MGAT4C: variants seen among roughly 807,000 people sequenced by gnomAD.
MGAT4C encodes the protein alpha-1,3-mannosyl-glycoprotein 4-beta-N-acetylglucosaminyltransferase C.
Under a neutral mutation model 40.1 loss-of-function variants are expected in MGAT4C, and 19 were observed. That is an observed-to-expected ratio of 0.47 (90% CI 0.33 to 0.70). MGAT4C has a LOEUF of 0.70. MGAT4C is among the 30% of genes least tolerant of loss of function. The pLI is 0.02. For synonymous variants in MGAT4C, 181 were observed against 187.1 expected (o/e 0.97, Z 0.27); for missense variants, 491 against 563.2 (o/e 0.87, Z 1.30).
chr12:86,283,594 T>G (rs1953273930), intron 4 of MGAT4C, among the ~76,000 whole-genome samples: 1 of 152,088 alleles, frequency 6.6e-6, no homozygotes, highest in African/African-American at 2.4e-5. Context: ...AATCAAAATA[T>G]AATAACTTAG....
chr12:86,266,856 G>T (rs1041030449), intron 4 of MGAT4C, among the ~76,000 whole-genome samples: 13 of 151,670 alleles, frequency 8.6e-5, no homozygotes, highest in African/African-American at 3.1e-4. Flanking sequence ...TTTTTTCTTG[G>T]TTCAATCTTA....
chr12:86,794,750 T>C (rs1439133100), intron 1 of MGAT4C, among the ~76,000 whole-genome samples: 1 of 151,880 alleles, frequency 6.6e-6, no homozygotes, highest in African/African-American at 2.4e-5. Context: ...TAAAGCAAAA[T>C]TAATTAACTG....
At chr12:86,095,441 C>T (rs997720718) in intron 1 of MGAT4C, among the ~76,000 whole-genome samples, 1 of 151,802 alleles carries the variant, frequency 6.6e-6, no homozygotes, top group Non-Finnish European at 1.5e-5. Flanking sequence ...CAATTATGGA[C>T]AATATTTACC....
intron 4 of MGAT4C, among the ~76,000 whole-genome samples, chr12:86,264,484 G>C (rs1003773229): frequency 1.3e-5 from 2 of 152,116 alleles, no homozygotes; most frequent in Non-Finnish European, 2.9e-5. Flanking sequence ...GGCGGGGAGG[G>C]GGCTGCGCAC....
At chr12:86,157,441 G>A (rs1328539191) in intron 1 of MGAT4C, among the ~76,000 whole-genome samples, 1 of 152,018 alleles carries the variant, frequency 6.6e-6, no homozygotes, top group Non-Finnish European at 1.5e-5. Flanking sequence ...CAAATTAAAT[G>A]TGTCATTATT....
intron 3 of MGAT4C, among the ~76,000 whole-genome samples, chr12:86,396,339 T>A (rs1956262068): frequency 6.6e-6 from 1 of 152,086 alleles, no homozygotes; most frequent in African/African-American, 2.4e-5. Flanking sequence ...CCTTAAAAAA[T>A]ATATATTTGT....
At chr12:86,592,455 A>G (rs555942101) in intron 2 of MGAT4C, among the ~76,000 whole-genome samples, 1 of 152,298 alleles carries the variant, frequency 6.6e-6, no homozygotes, top group South Asian at 2.1e-4. Context: ...ATAATTGGTA[A>G]AAACGTTAAG....
chr12:86,479,465 G>C (rs1295704185), intron 2 of MGAT4C, among the ~76,000 whole-genome samples: 1 of 151,810 alleles, frequency 6.6e-6, no homozygotes, highest in East Asian at 1.9e-4. Flanking sequence ...ACTGTGTATT[G>C]CTATTTAGAA....
rs936711743 is a variant in MGAT4C, at chr12:86,397,051, C to A, written c.-120+38106G>T. Reference sequence around the variant, plus strand: ...CATTCAGACACAGTAAATATGAATTCTCAAAGATGGAGGCCTGCATTTTAT... The same window carrying A: ...CATTCAGACACAGTAAATATGAATTATCAAAGATGGAGGCCTGCATTTTAT... On this transcript the variant is annotated intron_variant, in intron 3 of 7. Coordinates refer to the MGAT4C transcript ENST00000548651. 8.0e-5 allele frequency among the ~76,000 whole-genome samples: 9 copies of A among 112,758 alleles called. No homozygotes were observed. In the South Asian group the frequency reaches 1.9e-3, roughly 23 times the overall value. 74.0% of individuals were successfully genotyped at this position (112,758 alleles called of 152,430 possible).
intron 1 of MGAT4C, among the ~76,000 whole-genome samples, chr12:86,741,663 A>G (rs1951071497): frequency 6.6e-6 from 1 of 151,348 alleles, no homozygotes; most frequent in African/African-American, 2.4e-5. Flanking sequence ...CTACTCATAG[A>G]AAGCACCCCC....
intron 2 of MGAT4C, among the ~76,000 whole-genome samples, chr12:86,440,258 C>G (rs923828669): frequency 6.6e-6 from 1 of 152,060 alleles, no homozygotes; most frequent in Non-Finnish European, 1.5e-5. Flanking sequence ...AATTCGACAG[C>G]ACTTCAAAAT....
intron 3 of MGAT4C, among the ~76,000 whole-genome samples, chr12:86,365,886 C>A (rs1166569185): frequency 6.6e-6 from 1 of 152,000 alleles, no homozygotes; most frequent in East Asian, 1.9e-4. Flanking sequence ...GTTTTAGTTC[C>A]AAATAAATTT....
intron 1 of MGAT4C, among the ~76,000 whole-genome samples, chr12:86,210,835 A>G (rs996082520): frequency 6.6e-6 from 1 of 152,266 alleles, no homozygotes; most frequent in African/African-American, 2.4e-5. Flanking sequence ...ATAGTGTTAA[A>G]CCTGGCTCAT....
At chr12:86,542,116 A>G (rs1253207720) in intron 2 of MGAT4C, among the ~76,000 whole-genome samples, 14 of 152,208 alleles carry the variant, frequency 9.2e-5, no homozygotes, top group African/African-American at 2.9e-4. Context: ...CATGTTACAC[A>G]TGAAAACTTG....
intron 1 of MGAT4C, among the ~76,000 whole-genome samples, chr12:86,155,423 T>C (rs1440536595): frequency 2.0e-5 from 3 of 152,070 alleles, no homozygotes; most frequent in Non-Finnish European, 4.4e-5. Context: ...GGCATAGTAA[T>C]AGAAAAAATA....
intron 1 of MGAT4C, among the ~76,000 whole-genome samples, chr12:86,100,372 CTCT>C (rs1874750434): frequency 6.6e-6 from 1 of 151,302 alleles, no homozygotes; most frequent in African/African-American, 2.4e-5. Flanking sequence ...CTAATTCCTG[CTCT>C]TCTTAAAGTT....
chr12:86,478,980 T>C (rs1471612132), intron 2 of MGAT4C, among the ~76,000 whole-genome samples: 7 of 152,082 alleles, frequency 4.6e-5, no homozygotes, highest in Admixed American at 2.0e-4. Flanking sequence ...TTTTGAAATC[T>C]CACATATTTG....
intron 3 of MGAT4C, among the ~76,000 whole-genome samples, chr12:86,400,898 T>G (rs1043661378): frequency 6.6e-6 from 1 of 152,144 alleles, no homozygotes; most frequent in Non-Finnish European, 1.5e-5. Flanking sequence ...TTTATCTACA[T>G]CTAAAGAGTG....
At chr12:86,294,263 C>G (rs1953604684) in intron 4 of MGAT4C, among the ~76,000 whole-genome samples, 2 of 152,090 alleles carry the variant, frequency 1.3e-5, no homozygotes, top group Admixed American at 6.5e-5. Context: ...CATCCCTCTC[C>G]TGGATTGTCT....
Sources: allele counts gnomAD v4.1 joint callset (sites outside exome capture counted in the v4.1 genomes callset), GRCh38; gene constraint gnomAD v4.1.1; transcripts MANE v1.5; gene names NCBI Gene and HGNC (gene_info 2026-07-23, HGNC 2026-07-21).